The following B3GLCT variants were observed in gnomAD, a reference collection of about 807,000 sequenced individuals.
B3GLCT encodes the protein beta-1,3-glucosyltransferase.
B3GLCT carries 65 observed loss-of-function variants against 63.4 expected under a neutral mutation model. The observed-to-expected ratio is 1.03, with a 90% CI of 0.84 to 1.26. B3GLCT has a LOEUF of 1.26. Ranked by LOEUF, B3GLCT falls within the 50% of genes most tolerant of loss-of-function variation. The probability of loss-of-function intolerance (pLI) is 0.00; values close to 1 mark genes in which losing one functional copy is unlikely to be tolerated. For missense variants in B3GLCT, 577 were observed against 604.8 expected (o/e 0.95, Z 0.48); for synonymous variants, 233 against 219.2 (o/e 1.06, Z -0.55).
chr13:31,269,333 G>A (rs751365884), intron 8 of B3GLCT, 56 bp downstream of exon 8: 203 of 1,301,124 alleles, frequency 1.6e-4, no homozygotes, highest in Non-Finnish European at 2.2e-4. Flanking sequence ...CATGTCCTTT[G>A]ATGTAAAAGG....
chr13:31,234,903 A>G (rs965311325), intron 4 of B3GLCT, among the ~76,000 whole-genome samples: 1 of 151,974 alleles, frequency 6.6e-6, no homozygotes, highest in Non-Finnish European at 1.5e-5. Context: ...GTGTTTTAAA[A>G]CCATCCCCTG....
At chr13:31,246,951 C>CTTTTTTTTTTTTTTTTT (rs66466340) in intron 4 of B3GLCT, 72 bp from the exon 5 acceptor site, 35 of 779,634 alleles carry the variant, frequency 4.5e-5, no homozygotes, top group South Asian at 2.0e-4. Flanking sequence ...CTTTTCTTTT[C>CTTTTTTTTTTTTTTTTT]TTTTTTTTTT....
At chr13:31,208,619 G>GCC (rs11377541) in intron 1 of B3GLCT, among the ~76,000 whole-genome samples, 195 of 70,974 alleles carry the variant, frequency 2.7e-3, no homozygotes, top group South Asian at 6.0e-3. Context: ...TTCTTTAGTG[G>GCC]CCCCCCCCCC....
intron 1 of B3GLCT, among the ~76,000 whole-genome samples, chr13:31,206,319 G>A (rs1182924545): frequency 1.3e-5 from 2 of 152,180 alleles, no homozygotes; most frequent in Non-Finnish European, 2.9e-5. Flanking sequence ...TGATTCAGAA[G>A]ATCTGAAATG....
chr13:31,278,086 C>A (rs1338956642), intron 10 of B3GLCT, among the ~76,000 whole-genome samples: 2 of 151,912 alleles, frequency 1.3e-5, no homozygotes, highest in Non-Finnish European at 2.9e-5. Flanking sequence ...TTACAGCAAG[C>A]AGGAACTGTT....
At chr13:31,296,598 A>G (rs1439564693) in intron 12 of B3GLCT, among the ~76,000 whole-genome samples, 3 of 152,232 alleles carry the variant, frequency 2.0e-5, no homozygotes, top group Non-Finnish European at 4.4e-5. Flanking sequence ...CATTCATTTC[A>G]TAACAGCTAC....
At chr13:31,291,032 A>G (rs1215258553) in intron 12 of B3GLCT, among the ~76,000 whole-genome samples, 2 of 152,110 alleles carry the variant, frequency 1.3e-5, no homozygotes, top group Non-Finnish European at 2.9e-5. Context: ...TAATTTTTGT[A>G]TAAGGTGTAA....
intron 4 of B3GLCT, among the ~76,000 whole-genome samples, chr13:31,235,343 C>G (rs1870593282): frequency 6.6e-6 from 1 of 152,086 alleles, no homozygotes. Context: ...ATTTGAGAGT[C>G]AGCAGCATAC....
intron 12 of B3GLCT, among the ~76,000 whole-genome samples, chr13:31,314,689 G>A (rs537740554): frequency 2.0e-5 from 3 of 152,318 alleles, no homozygotes; most frequent in Admixed American, 1.3e-4. Context: ...TTGAACTAAT[G>A]TGGAAATGAG....
At chr13:31,270,306 G>A (rs1348138666) in intron 8 of B3GLCT, among the ~76,000 whole-genome samples, 1 of 152,128 alleles carries the variant, frequency 6.6e-6, no homozygotes, top group Non-Finnish European at 1.5e-5. Flanking sequence ...GCCTTCCAGG[G>A]ACAAGAAGGC....
In B3GLCT at chr13:31,276,751, A is replaced by G. The variant is rs1388143436; in HGVS notation, c.830A>G (p.Lys277Arg). ...ATTTTTGTTGCAGTAAAAACATGCAAGAAATTTCATGGTGACAGAAGTATG... is the reference window on the plus strand; with the variant it reads ...ATTTTTGTTGCAGTAAAAACATGCAGGAAATTTCATGGTGACAGAAGTATG... Reference protein sequence around the residue: ...KDIFVAVKTCKKFHGDRIPIV... With the variant: ...KDIFVAVKTCRKFHGDRIPIV... Residue 277 changes from lysine (K) to arginine (R), a missense_variant, in exon 10 of 15, where the codon AAG becomes AGG. By Grantham distance (26) the Lys-to-Arg change is conservative (BLOSUM62 2). Coordinates refer to ENST00000343307, the MANE Select transcript of B3GLCT (RefSeq NM_194318.4). 6.2e-7 allele frequency: 1 copy of G among 1,612,894 alleles called. No individual in the cohort carries two copies. Among genetic ancestry groups the G allele is most frequent in the Non-Finnish European group, 8.5e-7 (1 of 1,179,046 alleles).
intron 4 of B3GLCT, among the ~76,000 whole-genome samples, chr13:31,237,850 G>A (rs771264430): frequency 2.0e-5 from 3 of 152,126 alleles, no homozygotes; most frequent in Admixed American, 6.5e-5. Context: ...TGTAAGGGAC[G>A]GGATGTCTGG....
intron 12 of B3GLCT, among the ~76,000 whole-genome samples, chr13:31,302,368 G>T (rs946157405): frequency 6.6e-6 from 1 of 151,754 alleles, no homozygotes; most frequent in African/African-American, 2.4e-5. Flanking sequence ...AGCTCCCAGC[G>T]TGAGCGACGC....
chr13:31,242,414 A>G (rs1005152828), intron 4 of B3GLCT, among the ~76,000 whole-genome samples: 2 of 152,216 alleles, frequency 1.3e-5, no homozygotes, highest in Non-Finnish European at 2.9e-5. Context: ...TATTCCTAGA[A>G]CAGTACCTGG....
At chr13:31,220,084 G>T (rs947724538) in intron 2 of B3GLCT, among the ~76,000 whole-genome samples, 6 of 152,324 alleles carry the variant, frequency 3.9e-5, no homozygotes, top group African/African-American at 1.4e-4. Flanking sequence ...GCCCAGGGCC[G>T]ACTGAGTGTA....
rs999332946 is a variant in B3GLCT, at chr13:31,330,632, T to A, written c.*964T>A. The A allele has an allele frequency of 1.3e-5, 2 of 151,554 alleles. No individual in the cohort carries two copies. The highest frequency in any genetic ancestry group is 6.6e-5 in the Admixed American group (1 of 15,202). 9.4% of individuals were successfully genotyped at this position (151,554 alleles called of 1,614,324 possible). On this transcript the variant is annotated 3_prime_UTR_variant, in exon 15 of 15. Transcript: ENST00000343307. ...AAGGACAGCATGGTGATCAGGCAAT[T>A]TCTCTGGGTTCCCAAAGAATGACAT...
chr13:31,300,104 T>C (rs1334995679), intron 12 of B3GLCT, among the ~76,000 whole-genome samples: 4 of 152,294 alleles, frequency 2.6e-5, no homozygotes, highest in African/African-American at 9.6e-5. Flanking sequence ...TGAATTGCCA[T>C]CCTCAAACCA....
intron 12 of B3GLCT, among the ~76,000 whole-genome samples, chr13:31,299,403 G>A (rs1874117760): frequency 6.6e-6 from 1 of 151,922 alleles, no homozygotes; most frequent in Non-Finnish European, 1.5e-5. Flanking sequence ...TTTTTTAATG[G>A]TACTCAGAGT....
At chr13:31,224,644 T>C (rs1869999719) in intron 3 of B3GLCT, among the ~76,000 whole-genome samples, 1 of 152,148 alleles carries the variant, frequency 6.6e-6, no homozygotes, top group African/African-American at 2.4e-5. Context: ...CTCCTTCAGC[T>C]TGCTGCCTAA....
Sources: allele counts gnomAD v4.1 joint callset (sites outside exome capture counted in the v4.1 genomes callset), GRCh38; gene constraint gnomAD v4.1.1; transcripts MANE v1.5; gene names NCBI Gene and HGNC (gene_info 2026-07-23, HGNC 2026-07-21).